The following PCDH15 variants were observed in gnomAD, a reference collection of about 807,000 sequenced individuals.
PCDH15 encodes protocadherin-15.
In PCDH15, 129 loss-of-function variants were observed where a neutral mutation model predicts 178.5. The observed-to-expected ratio is 0.72, with a 90% CI of 0.63 to 0.84. PCDH15 has a LOEUF of 0.84. PCDH15 is among the 40% of genes least tolerant of loss of function. PCDH15 has a pLI of 0.00. For missense variants in PCDH15, 2,230 were observed against 2,099.9 expected, an observed-to-expected ratio of 1.06 and a Z score of -1.21; for synonymous variants, 800 against 732.0, an observed-to-expected ratio of 1.09 and a Z score of -1.50.
At chr10:55,169,494 C>T (rs1417484392) in intron 1 of PCDH15, among the ~76,000 whole-genome samples, 5 of 152,160 alleles carry the variant, frequency 3.3e-5, no homozygotes, top group Admixed American at 3.3e-4. Flanking sequence ...AAGGTTTATA[C>T]TGTGATCTAA....
chr10:55,243,110 G>T (rs1027078052), intron 1 of PCDH15, among the ~76,000 whole-genome samples: 5 of 152,032 alleles, frequency 3.3e-5, no homozygotes, highest in African/African-American at 1.2e-4. Context: ...TAGGCAAAAA[G>T]AAAACAAAGA....
intron 1 of PCDH15, among the ~76,000 whole-genome samples, chr10:55,175,436 G>A (rs12252018): frequency 0.47 from 71,821 of 151,734 alleles, 17,266 homozygotes; most frequent in East Asian, 0.67. Flanking sequence ...CTTTAGAGGT[G>A]GGTGAATCAC....
chr10:53,990,778 G>A lies in PCDH15; in HGVS notation c.2868+4871C>T, dbSNP rs114514777. ...CCTCTCTGGGCTGGCTGAGGCTGGA[G>A]ATGGCTCCCCCTGCTTGCAGGGAGG... On this transcript the variant is annotated intron_variant, in intron 21 of 37. Transcript: ENST00000644397. 5.9e-3 allele frequency among the ~76,000 whole-genome samples: 894 copies of A among 152,166 alleles called. 9 individuals are homozygous for A. Among genetic ancestry groups the A allele is most frequent in the African/African-American group, 0.018 (729 of 41,512 alleles).
chr10:54,134,704 G>A (rs1224872203), intron 14 of PCDH15, among the ~76,000 whole-genome samples: 1 of 149,130 alleles, frequency 6.7e-6, no homozygotes, highest in Non-Finnish European at 1.5e-5. Flanking sequence ...AGTGAGCCAA[G>A]ATTGCGCCAC....
At chr10:55,429,931 A>G (rs1240288202) in intron 2 of PCDH15, among the ~76,000 whole-genome samples, 3 of 152,132 alleles carry the variant, frequency 2.0e-5, no homozygotes, top group African/African-American at 7.2e-5. Context: ...AATTCCCCAA[A>G]TCAACCTTTT....
At chr10:54,502,614 G>A (rs142999811) in intron 3 of PCDH15, among the ~76,000 whole-genome samples, 5 of 152,144 alleles carry the variant, frequency 3.3e-5, no homozygotes, top group African/African-American at 1.2e-4. Context: ...AGAGTTTATG[G>A]TTTAACATGT....
chr10:54,460,292 T>C (rs1421832241), intron 3 of PCDH15, among the ~76,000 whole-genome samples: 1 of 152,170 alleles, frequency 6.6e-6, no homozygotes, highest in Non-Finnish European at 1.5e-5. Flanking sequence ...ACATGGTTCC[T>C]ACACTCACAA....
At chr10:55,240,612 G>A (rs545704970) in intron 1 of PCDH15, among the ~76,000 whole-genome samples, 18 of 152,232 alleles carry the variant, frequency 1.2e-4, no homozygotes, top group African/African-American at 3.9e-4. Context: ...AAAGATGTAT[G>A]AGTGCATGCA....
At chr10:54,599,269 A>C (rs1208784532) in intron 2 of PCDH15, among the ~76,000 whole-genome samples, 2 of 152,170 alleles carry the variant, frequency 1.3e-5, no homozygotes, top group Non-Finnish European at 2.9e-5. Flanking sequence ...CTACAGGGCT[A>C]CAGTAACCAA....
chr10:54,600,342 T>C, intron 2 of PCDH15: 2 of 538,164 alleles, frequency 3.7e-6, no homozygotes, highest in South Asian at 1.5e-5. Flanking sequence ...TAGCTGTCAA[T>C]GGAGAGGTAG....
chr10:55,394,827 C>G (rs1837882176), intron 2 of PCDH15, among the ~76,000 whole-genome samples: 3 of 152,014 alleles, frequency 2.0e-5, no homozygotes, highest in African/African-American at 7.2e-5. Flanking sequence ...AATTTTGTCT[C>G]TATACATGTG....
intron 1 of PCDH15, among the ~76,000 whole-genome samples, chr10:54,670,570 G>T (rs1414645620): frequency 6.6e-6 from 1 of 151,944 alleles, no homozygotes; most frequent in African/African-American, 2.4e-5. Context: ...GTGTCTTCAT[G>T]GAAAAAAACT....
intron 2 of PCDH15, among the ~76,000 whole-genome samples, chr10:55,133,312 T>C (rs1387579989): frequency 6.6e-6 from 1 of 152,144 alleles, no homozygotes; most frequent in Non-Finnish European, 1.5e-5. Flanking sequence ...TTAGTGACTT[T>C]TGACATAGCC....
At position 55,295,708 on chromosome 10, in the gene PCDH15, CT is replaced by C. The variant is rs1305138788; in HGVS notation, c.-156+23890del. Among the ~76,000 whole-genome samples the C allele has an allele frequency of 2.6e-5, 4 of 152,138 alleles. No individual in the cohort carries two copies. In the East Asian group the frequency reaches 7.7e-4, roughly 29 times the overall value. On this transcript the variant is annotated intron_variant, in intron 1 of 5. Transcript: ENST00000458638. ...GAGGTAAAAAGAAAACTTTATTTTT[CT>C]TTTTATTCACACAACACTTCTGACA...
chr10:54,102,588 A>G (rs2094832394), intron 15 of PCDH15, among the ~76,000 whole-genome samples: 1 of 152,348 alleles, frequency 6.6e-6, no homozygotes, highest in Non-Finnish European at 1.5e-5. Context: ...TCATAGTGGC[A>G]TTAATCTCTG....
intron 2 of PCDH15, among the ~76,000 whole-genome samples, chr10:54,648,156 A>C (rs1380000810): frequency 6.6e-6 from 1 of 152,116 alleles, no homozygotes; most frequent in Admixed American, 6.6e-5. Flanking sequence ...GATAATCTAA[A>C]GTAAAATGTA....
Position 54,213,719 on chromosome 10 carries a change from T to C in PCDH15, c.1098+217A>G. Among the ~76,000 whole-genome samples, 2 of 152,314 alleles carry C rather than the reference T, an allele frequency of 1.3e-5. 1 individual carries two copies. The highest frequency in any genetic ancestry group is 2.9e-5 in the Non-Finnish European group (2 of 68,020). On this transcript the variant is annotated intron_variant, in intron 10 of 37. Coordinates refer to ENST00000644397, the MANE Select transcript of PCDH15 (RefSeq NM_001384140.1). ...ATTTGTTACATATAAGAATATTTAGTATTTTACCCCATAGTACTATAAAAC... is the reference window on the plus strand; with the variant it reads ...ATTTGTTACATATAAGAATATTTAGCATTTTACCCCATAGTACTATAAAAC...
intron 2 of PCDH15, among the ~76,000 whole-genome samples, chr10:54,656,987 C>T (rs144674084): frequency 6.6e-6 from 1 of 152,268 alleles, no homozygotes; most frequent in African/African-American, 2.4e-5. Context: ...AAAGTAAGCC[C>T]CTGCCACAGA....
At chr10:54,982,175 T>C (rs2131905641) in intron 2 of PCDH15, among the ~76,000 whole-genome samples, 1 of 152,202 alleles carries the variant, frequency 6.6e-6, no homozygotes, top group Middle Eastern at 3.4e-3. Flanking sequence ...TATCTTTCAA[T>C]AAAGAGACGT....
Sources: allele counts gnomAD v4.1 joint callset (sites outside exome capture counted in the v4.1 genomes callset), GRCh38; gene constraint gnomAD v4.1.1; transcripts MANE v1.5; gene names NCBI Gene and HGNC (gene_info 2026-07-23, HGNC 2026-07-21).